LARP1: variants seen among roughly 807,000 people sequenced by gnomAD.
LARP1 encodes la-related protein 1.
Under a neutral mutation model 122.7 loss-of-function variants are expected in LARP1, and 36 were observed. That is an observed-to-expected ratio of 0.29 (90% CI 0.22 to 0.39). The LOEUF (loss-of-function observed/expected upper bound fraction) is 0.39, where lower values mean the gene tolerates loss of function less well. Among genes scored for constraint, LARP1 ranks in the 10% least tolerant of loss-of-function variants. The pLI, the probability that LARP1 is intolerant of heterozygous loss-of-function variation, is 1.00. For synonymous variants in LARP1, 539 were observed against 528.7 expected (o/e 1.02, Z -0.27); for missense variants, 1,040 against 1,403.6 (o/e 0.74, Z 4.14).
chr5:154,760,198 A>C (rs1194294989), intron 1 of LARP1, among the ~76,000 whole-genome samples: 3 of 152,086 alleles, frequency 2.0e-5, no homozygotes. Flanking sequence ...TTGGCCTCCC[A>C]AAGTTTTGGG....
chr5:154,814,084 T>G lies in LARP1; in HGVS notation c.3279T>G (p.Thr1093=). The G allele has an allele frequency of 6.2e-7, 1 of 1,614,014 alleles. No individual in the cohort carries two copies. Among genetic ancestry groups the G allele is most frequent in the Middle Eastern group, 1.7e-4 (1 of 6,060 alleles). ...KWTSQHSNTQ[T]LGK ...CAAGCCAGCACTCGAACACACAGAC[T>G]TTGGGAAAGTGAAAAGCTCCTTAGC... Residue 1093 remains threonine (T), a synonymous_variant, in exon 19 of 19, where the codon ACT becomes ACG. Coordinates refer to ENST00000518297, the MANE Select transcript of LARP1 (RefSeq NM_033551.3).
At position 154,802,108 on chromosome 5, in the gene LARP1, T is replaced by C. The variant is rs1303127592; in HGVS notation, c.1818T>C (p.Asp606=). 6.2e-7 allele frequency: 1 copy of C among 1,614,110 alleles called. No individual in the cohort carries two copies. The highest frequency in any genetic ancestry group is 8.5e-7 in the Non-Finnish European group (1 of 1,180,028). Residue 606 remains aspartate, a synonymous_variant, in exon 11 of 19, where the codon GAT becomes GAC. Coordinates refer to ENST00000518297, the MANE Select transcript of LARP1 (RefSeq NM_033551.3). The surrounding 1 kb of genome is among the most constrained non-coding windows in gnomAD (Gnocchi z 5.1). ...SKDQDEQEEL[D]FLFDEEMEQM... Reference sequence around the variant, plus strand: ...ATCAGGATGAGCAAGAGGAACTGGATTTTCTGTTTGACGAGGAGATGGAGC... The same window carrying C: ...ATCAGGATGAGCAAGAGGAACTGGACTTTCTGTTTGACGAGGAGATGGAGC...
At chr5:154,778,809 T>G (rs1489049623) in intron 1 of LARP1, among the ~76,000 whole-genome samples, 3 of 152,210 alleles carry the variant, frequency 2.0e-5, no homozygotes, top group African/African-American at 7.2e-5. Flanking sequence ...GGGGCAATAG[T>G]CTTTCCTAAC....
chr5:154,803,454 A>T lies in LARP1; in HGVS notation c.2233+41A>T. 1.2e-6 allele frequency: 2 copies of T among 1,613,988 alleles called. No homozygotes were observed. Among genetic ancestry groups the T allele is most frequent in the Non-Finnish European group, 8.5e-7 (1 of 1,179,984 alleles). On this transcript the variant is annotated intron_variant, in intron 12 of 18. Coordinates refer to ENST00000518297, the MANE Select transcript of LARP1 (RefSeq NM_033551.3). This position sits in a 1 kb window ranked among gnomAD's most constrained non-coding sequence, Gnocchi z 4.4. Reference sequence around the variant, plus strand: ...CTGAGATCCTGACATGGGTGAGAGGATCTAGGGCCCTTGGACTGGGGGCTA... The same window carrying T: ...CTGAGATCCTGACATGGGTGAGAGGTTCTAGGGCCCTTGGACTGGGGGCTA...
At chr5:154,780,292 A>C (rs965615921) in intron 1 of LARP1, among the ~76,000 whole-genome samples, 2 of 152,212 alleles carry the variant, frequency 1.3e-5, no homozygotes, top group African/African-American at 4.8e-5. Context: ...AGAGGAAAAA[A>C]GGGATTGGAA....
chr5:154,689,041 G>T (rs1199344506), intron 1 of LARP1, among the ~76,000 whole-genome samples: 1 of 152,148 alleles, frequency 6.6e-6, no homozygotes, highest in Non-Finnish European at 1.5e-5. Flanking sequence ...ATTTTGCGCC[G>T]GGCGCAGTGG....
chr5:154,721,817 T>G (rs1755887926), intron 1 of LARP1, among the ~76,000 whole-genome samples: 2 of 152,326 alleles, frequency 1.3e-5, no homozygotes, highest in South Asian at 4.1e-4. Flanking sequence ...TGTATTTGTC[T>G]CCACGGCCTG....
At chr5:154,786,028 T>C (rs531754920) in intron 1 of LARP1, among the ~76,000 whole-genome samples, 3 of 152,302 alleles carry the variant, frequency 2.0e-5, no homozygotes, top group Admixed American at 6.5e-5. Flanking sequence ...TTCTTGCACA[T>C]AGCAATTTTG....
In LARP1 at chr5:154,813,230, C is replaced by G. The variant is rs998071120; in HGVS notation, c.3082-657C>G. 3.2e-4 allele frequency among the ~76,000 whole-genome samples: 49 copies of G among 152,088 alleles called. 2 individuals are homozygous for G. The highest frequency in any genetic ancestry group is 1.3e-4 in the Admixed American group (2 of 15,262). On this transcript the variant is annotated intron_variant, in intron 18 of 18. Coordinates refer to ENST00000518297, the MANE Select transcript of LARP1 (RefSeq NM_033551.3). ...CCTTGAGGAGGAGAAGGGAGGGGAG[C>G]AGGGTACAAGTCACAGAGAACCTTT...
In LARP1 at chr5:154,779,893, C is replaced by G. The variant is rs578076189; in HGVS notation, c.437-10432C>G. 5.3e-5 allele frequency among the ~76,000 whole-genome samples: 8 copies of G among 152,264 alleles called. No homozygotes were observed. In the East Asian group the frequency reaches 1.5e-3, roughly 29 times the overall value. On this transcript the variant is annotated intron_variant, in intron 1 of 18. Transcript: ENST00000518297. ...GGGAGTCTGCAGGTGGGGCAGCACC[C>G]TGGCTGCTGAGCCTGTCCTGTCTCC... is the stretch of plus-strand genomic sequence containing the variant.
At chr5:154,711,281 A>G (rs1191267224), upstream of LARP1, among the ~76,000 whole-genome samples, 1 of 151,884 alleles carries the variant, frequency 6.6e-6, no homozygotes, top group African/African-American at 2.4e-5. Context: ...AGCTGGGATT[A>G]CAGGCATGCG....
intron 1 of LARP1, among the ~76,000 whole-genome samples, chr5:154,759,155 T>C (rs1186565023): frequency 1.3e-5 from 2 of 152,206 alleles, no homozygotes; most frequent in Non-Finnish European, 2.9e-5. Flanking sequence ...CTTCTTAATT[T>C]GTGTAATAGG....
rs561478719 is a variant in LARP1 at position 154,690,613 on chromosome 5, C to T, written c.-180+7576C>T. On this transcript the variant is annotated intron_variant, in intron 1 of 18. Transcript: ENST00000687700. ...CCCAGAGCGAGACCCGCCACTACCTCCACGCACCCTCCCTGCCTGGGTGAT... is the reference window on the plus strand; with the variant it reads ...CCCAGAGCGAGACCCGCCACTACCTTCACGCACCCTCCCTGCCTGGGTGAT... Among the ~76,000 whole-genome samples the T allele has an allele frequency of 7.2e-5, 11 of 152,378 alleles. No individual in the cohort carries two copies. The South Asian group carries it at 1.4e-3, about 20-fold the overall frequency.
intron 1 of LARP1, among the ~76,000 whole-genome samples, chr5:154,688,303 T>C (rs760313272): frequency 7.2e-5 from 11 of 152,104 alleles, no homozygotes; most frequent in African/African-American, 2.7e-4. Context: ...AATTCTGTTA[T>C]AGATTTATGT....
chr5:154,741,701 G>T (rs77149945), intron 1 of LARP1, among the ~76,000 whole-genome samples: 1 of 152,142 alleles, frequency 6.6e-6, no homozygotes, highest in African/African-American at 2.4e-5. Flanking sequence ...GAAACGGGGG[G>T]AAAATCTGGA....
intron 8 of LARP1, among the ~76,000 whole-genome samples, chr5:154,797,019 C>G (rs1187982719): frequency 6.6e-6 from 1 of 152,030 alleles, no homozygotes; most frequent in Non-Finnish European, 1.5e-5. Flanking sequence ...CAGTGGGACC[C>G]TATACATTTC....
At chr5:154,755,314 G>C (rs1415411692), upstream of LARP1, among the ~76,000 whole-genome samples, 1 of 148,730 alleles carries the variant, frequency 6.7e-6, no homozygotes, top group Admixed American at 6.7e-5. Flanking sequence ...TGAGGCGCGC[G>C]CCCGCCCGCC....
At chr5:154,777,463 G>A (rs1000379298) in intron 1 of LARP1, among the ~76,000 whole-genome samples, 1 of 152,214 alleles carries the variant, frequency 6.6e-6, no homozygotes, top group Non-Finnish European at 1.5e-5. Context: ...AGAGGTTGCA[G>A]TGAGCAGAGA....
upstream of LARP1, among the ~76,000 whole-genome samples, chr5:154,712,665 T>C (rs536646126): frequency 1.3e-5 from 2 of 152,220 alleles, no homozygotes; most frequent in South Asian, 4.1e-4. Flanking sequence ...GAGGGGAGAC[T>C]CAGCGGGTTG....
Sources: allele counts gnomAD v4.1 joint callset (sites outside exome capture counted in the v4.1 genomes callset), GRCh38; gene constraint gnomAD v4.1.1; non-coding constraint Gnocchi (gnomAD v3.1); transcripts MANE v1.5; gene names NCBI Gene and HGNC (gene_info 2026-07-23, HGNC 2026-07-21).